The following LTBP4 variants were observed in gnomAD, a reference collection of about 807,000 sequenced individuals.
LTBP4 encodes latent-transforming growth factor beta-binding protein 4.
Under a neutral mutation model 180.2 loss-of-function variants are expected in LTBP4, and 93 were observed. The observed-to-expected ratio is 0.52, with a 90% CI of 0.44 to 0.61. The LOEUF (loss-of-function observed/expected upper bound fraction) is 0.61. Ranked by LOEUF, LTBP4 falls within the 20% of genes least tolerant of loss-of-function variation. The pLI, the probability that LTBP4 is intolerant of heterozygous loss-of-function variation, is 0.00. For missense variants in LTBP4, 2,116 were observed against 2,256.5 expected, an observed-to-expected ratio of 0.94 and a Z score of 1.26; for synonymous variants, 947 against 934.5, an observed-to-expected ratio of 1.01 and a Z score of -0.24.
rs765673798 is a variant in LTBP4, at chr19:40,605,097, C to T, written c.313C>T (p.Pro105Ser). 1.9e-6 allele frequency: 3 copies of T among 1,613,864 alleles called. No homozygotes were observed. The highest frequency in any genetic ancestry group is 2.5e-6 in the Non-Finnish European group (3 of 1,179,852). ...VCVKPDRCLC[P>S]PDFAGKFCQL... ...CGTGAAGCCTGACCGCTGCCTCTGT[C>T]CCCCGGACTTCGCTGGCAAGTTCTG... Residue 105 changes from proline (P) to serine (S), a missense_variant, in exon 2 of 30, where the codon CCC becomes TCC. This residue lies in a region of LTBP4 where 469 missense variants were observed against 532.5 expected (regional missense o/e 0.88). Transcript: ENST00000396819. The surrounding 1 kb of genome is among the most constrained non-coding windows in gnomAD (Gnocchi z 5.5).
In LTBP4 at chr19:40,617,148, G is replaced by A; in HGVS notation, c.2993G>A (p.Cys998Tyr). 1 of 1,613,990 alleles carries A rather than the reference G, an allele frequency of 6.2e-7. No homozygotes were observed. Among genetic ancestry groups the A allele is most frequent in the Non-Finnish European group, 8.5e-7 (1 of 1,179,896 alleles). The change falls in exon 21 of 30, where the codon TGC becomes TAC. Residue 998 changes from cysteine (C) to tyrosine (Y), a missense_variant. Around this residue, in one of 5 missense-constraint regions of LTBP4, gnomAD observed 278 missense variants for 373.0 expected, o/e 0.75. Coordinates refer to ENST00000396819, the MANE Select transcript of LTBP4 (RefSeq NM_001042545.2). ...TCCTTCTGCGGTGCCCACGCCGTGTGCCAGAACCTGCCCGGCTCCTTCCAG... is the reference window on the plus strand; with the variant it reads ...TCCTTCTGCGGTGCCCACGCCGTGTACCAGAACCTGCCCGGCTCCTTCCAG... ...NRSFCGAHAVCQNLPGSFQCL... is the reference protein window; with the variant it reads ...NRSFCGAHAVYQNLPGSFQCL...
In LTBP4 at chr19:40,616,876, C is replaced by G. The variant is rs775358072; in HGVS notation, c.2813-13C>G. On this transcript the variant is annotated splice_polypyrimidine_tract_variant and intron_variant, in intron 19 of 29. Transcript: ENST00000396819. ...GCCTTTGACTCCCCTTTCATCTCCTCCACACTCTGCAGATGTGGATGAGTG... is the reference window on the plus strand; with the variant it reads ...GCCTTTGACTCCCCTTTCATCTCCTGCACACTCTGCAGATGTGGATGAGTG... The G allele has an allele frequency of 6.2e-7, 1 of 1,613,848 alleles. No homozygotes were observed. The highest frequency in any genetic ancestry group is 1.1e-5 in the South Asian group (1 of 91,008).
Position 40,609,571 on chromosome 19 carries a change from G to T in LTBP4, c.1468G>T (p.Gly490Cys). The T allele has an allele frequency of 6.2e-7, 1 of 1,613,438 alleles. No individual in the cohort carries two copies. Among genetic ancestry groups the T allele is most frequent in the African/African-American group, 1.3e-5 (1 of 75,036 alleles). The change falls in exon 10 of 30, where the codon GGC (glycine) becomes TGC (cysteine). Residue 490 changes from glycine to cysteine, a missense_variant. By Grantham distance (159) the Gly-to-Cys change is radical. This residue lies in a region of LTBP4 where 877 missense variants were observed against 873.6 expected (regional missense o/e 1.00). Transcript: ENST00000396819. This position sits in a 1 kb window ranked among gnomAD's most constrained non-coding sequence, Gnocchi z 4.9. ...GTGTCAGCGCAACCCCCAGGTCTGC[G>T]GCCCAGGACGCTGCATTTCCCGGCC... is the stretch of plus-strand genomic sequence containing the variant. ...GMCQRNPQVCGPGRCISRPSG... is the reference protein window; with the variant it reads ...GMCQRNPQVCCPGRCISRPSG...
Position 40,622,951 on chromosome 19 carries a change from T to C in LTBP4, c.3486T>C (p.Ala1162=), listed in dbSNP as rs756810246. Residue 1162 remains alanine (A), a splice_region_variant and synonymous_variant, in exon 24 of 30, where the codon GCT becomes GCC. Transcript: ENST00000396819. This position sits in a 1 kb window ranked among gnomAD's most constrained non-coding sequence, Gnocchi z 5.1. ...RIQQCPGTET[A]EYQSLCPHGR... The stretch of plus-strand genomic sequence containing the variant: ...GCTCAGGCTTGTCTCTGTGTGTAGC[T>C]GAGTACCAGTCATTGTGCCCTCACG... 2.5e-6 allele frequency: 4 copies of C among 1,613,058 alleles called. No homozygotes were observed. The highest frequency in any genetic ancestry group is 1.7e-5 in the Admixed American group (1 of 59,910).
rs57019847 is a variant in LTBP4 at position 40,615,756 on chromosome 19, C to CA, written c.2813-1123dup. ...CCTCGGCGACAGAGTGAGATTGTCT[C>CA]AAAAAAAAAATTTATACAACAAAAA... On this transcript the variant is annotated intron_variant, in intron 19 of 29. Coordinates refer to ENST00000396819, the MANE Select transcript of LTBP4 (RefSeq NM_001042545.2). Among the ~76,000 whole-genome samples, 761 of 149,642 alleles carry CA rather than the reference C, an allele frequency of 5.1e-3. 36 individuals carry two copies. The East Asian group carries it at 0.11, about 22-fold the overall frequency.
chr19:40,613,367 G>T lies in LTBP4; in HGVS notation c.2432-37G>T, dbSNP rs12611045. ...TGGGCGGAGCTTGTCTGGGAGGCCG[G>T]GTCCCGTGACTCCGCCCAATCTCCC... On this transcript the variant is annotated intron_variant, in intron 16 of 29. Coordinates refer to ENST00000396819, the MANE Select transcript of LTBP4 (RefSeq NM_001042545.2). The surrounding 1 kb of genome is among the most constrained non-coding windows in gnomAD (Gnocchi z 5.0). 1.9e-6 allele frequency: 3 copies of T among 1,591,488 alleles called. No homozygotes were observed. The highest frequency in any genetic ancestry group is 2.6e-6 in the Non-Finnish European group (3 of 1,170,728).
chr19:40,608,676 G>C, intron 9 of LTBP4, 73 bp downstream of exon 9: 13 of 1,513,756 alleles, frequency 8.6e-6, no homozygotes, highest in Non-Finnish European at 1.2e-5. Flanking sequence ...ATTTTGGGAG[G>C]CTGAGGAGGG....
intron 19 of LTBP4, among the ~76,000 whole-genome samples, chr19:40,616,292 T>TAAAAAAAAAA (rs72117985): frequency 7.3e-6 from 1 of 136,424 alleles, no homozygotes. Context: ...AGACCCCATT[T>TAAAAAAAAAA]AAAAAAAAGA....
Position 40,619,413 on chromosome 19 carries a change from C to T in LTBP4, c.3137C>T (p.Ser1046Phe), listed in dbSNP as rs374227557. ...GCCCTGTGTGAAAATGTCGAAGGCT[C>T]CTTCCTCTGTGTCTGCCCCAACAGC... ...GAALCENVEG[S>F]FLCVCPNSPE... Residue 1046 changes from serine (S) to phenylalanine (F), a missense_variant, in exon 22 of 30, where the codon TCC becomes TTC. By Grantham distance (155) the Ser-to-Phe change is radical (BLOSUM62 -2). Transcript: ENST00000396819. 6.2e-6 allele frequency: 10 copies of T among 1,613,888 alleles called. No individual in the cohort carries two copies. Among genetic ancestry groups the T allele is most frequent in the East Asian group, 2.2e-5 (1 of 44,872 alleles).
chr19:40,611,186 T>C lies in LTBP4; in HGVS notation c.1845T>C (p.Cys615=). ...VDECTQSPGL[C]GRGACKNLPG... ...AATGCACCCAGAGCCCAGGCCTGTGTGGCCGAGGGGCCTGCAAGAACCTGC... is the reference window on the plus strand; with the variant it reads ...AATGCACCCAGAGCCCAGGCCTGTGCGGCCGAGGGGCCTGCAAGAACCTGC... The change falls in exon 13 of 30, where the codon TGT becomes TGC. Residue 615 remains cysteine (C), a synonymous_variant. Coordinates refer to ENST00000396819, the MANE Select transcript of LTBP4 (RefSeq NM_001042545.2). The surrounding 1 kb of genome is among the most constrained non-coding windows in gnomAD (Gnocchi z 4.4). The C allele has an allele frequency of 1.2e-6, 2 of 1,613,392 alleles. No homozygotes were observed. Among genetic ancestry groups the C allele is most frequent in the Non-Finnish European group, 1.7e-6 (2 of 1,179,754 alleles).
chr19:40,615,880 C>T (rs1466792049), intron 19 of LTBP4, among the ~76,000 whole-genome samples: 3 of 152,064 alleles, frequency 2.0e-5, no homozygotes, highest in East Asian at 1.9e-4. Context: ...TCTAGAGAGG[C>T]GACAGTTGGC....
At chr19:40,624,635 G>A (rs1039119373) in intron 26 of LTBP4, among the ~76,000 whole-genome samples, 3 of 152,210 alleles carry the variant, frequency 2.0e-5, no homozygotes, top group African/African-American at 7.2e-5. Flanking sequence ...CCGACCTCAG[G>A]TGATCCGCCT....
At position 40,611,314 on chromosome 19, in the gene LTBP4, G is replaced by A. The variant is rs777432652; in HGVS notation, c.1973G>A (p.Arg658His). The A allele has an allele frequency of 4.3e-5, 70 of 1,612,152 alleles. No individual in the cohort carries two copies. Among genetic ancestry groups the A allele is most frequent in the African/African-American group, 8.0e-5 (6 of 74,940 alleles). The change falls in exon 13 of 30, where the codon CGC becomes CAC. Residue 658 changes from arginine (R) to histidine (H), a missense_variant. Arg to His is a conservative substitution (Grantham distance 29, BLOSUM62 0). Around this residue, in one of 5 missense-constraint regions of LTBP4, gnomAD observed 877 missense variants for 873.6 expected, o/e 1.00. Transcript: ENST00000396819. This position sits in a 1 kb window ranked among gnomAD's most constrained non-coding sequence, Gnocchi z 4.4. ...AQEPPPCGPG[R>H]CDNTAGSFHC... ...GAGCCGCCGCCCTGTGGGCCCGGCCGCTGTGACAACACGGCAGGCTCCTTT... is the reference window on the plus strand; with the variant it reads ...GAGCCGCCGCCCTGTGGGCCCGGCCACTGTGACAACACGGCAGGCTCCTTT...
chr19:40,625,283 TATATATATA>T (rs2081620304), intron 26 of LTBP4, among the ~76,000 whole-genome samples: 4 of 8,706 alleles, frequency 4.6e-4, no homozygotes, highest in Non-Finnish European at 5.5e-4. Context: ...TATATATATA[TATATATATA>T]TATATATATA....
rs543939793 is a variant in LTBP4 at position 40,629,413 on chromosome 19, G to A, written c.4537G>A (p.Glu1513Lys). The change falls in exon 30 of 30, where the codon GAG (glutamate) becomes AAG (lysine). Residue 1513 changes from glutamate to lysine, a missense_variant. Around this residue, in one of 5 missense-constraint regions of LTBP4, gnomAD observed 488 missense variants for 458.8 expected, o/e 1.06. Coordinates refer to ENST00000396819, the MANE Select transcript of LTBP4 (RefSeq NM_001042545.2). This position sits in a 1 kb window ranked among gnomAD's most constrained non-coding sequence, Gnocchi z 4.5. ...CTCCGCAGACATCAACGAGTGTGATGAGGCCGAGGCTGCCTCCCCGCTGTG... is the reference window on the plus strand; with the variant it reads ...CTCCGCAGACATCAACGAGTGTGATAAGGCCGAGGCTGCCTCCCCGCTGTG... ...MACVDINECD[E>K]AEAASPLCVN... 4 of 1,612,972 alleles carry A rather than the reference G, an allele frequency of 2.5e-6. No homozygotes were observed. In the East Asian group the frequency reaches 8.9e-5, roughly 36 times the overall value.
At chr19:40,599,565 G>A, upstream of LTBP4, 1 of 1,604,336 alleles carries the variant, frequency 6.2e-7, no homozygotes, top group Non-Finnish European at 8.5e-7. Flanking sequence ...ACGTGAGTGG[G>A]CAGTCCCTCC....
rs774569500 is a variant in LTBP4, at chr19:40,607,541, C to A, written c.1156+12C>A. 5 of 1,602,150 alleles carry A rather than the reference C, an allele frequency of 3.1e-6. No homozygotes were observed. The highest frequency in any genetic ancestry group is 4.3e-6 in the Non-Finnish European group (5 of 1,174,828). ...ACCCTTCGGCTCAGGTGAGCCCCTG[C>A]GGCAGTGCCTAGCCCTACGCGCAAC... On this transcript the variant is annotated intron_variant, in intron 7 of 29. Transcript: ENST00000396819.
intron 19 of LTBP4, 149 bp from the exon 20 acceptor site, chr19:40,616,740 C>A: frequency 1.0e-6 from 1 of 993,844 alleles, no homozygotes; most frequent in Non-Finnish European, 1.4e-6. Context: ...AAAGAAAAAA[C>A]AAAGTTTTCA....
chr19:40,596,891 C>A (rs1011629071), upstream of LTBP4, among the ~76,000 whole-genome samples: 1 of 152,102 alleles, frequency 6.6e-6, no homozygotes, highest in Non-Finnish European at 1.5e-5. Context: ...ACCCCGCTCC[C>A]GTATCCCTCC....
Sources: gnomAD v4.1 joint callset for allele counts (sites outside exome capture counted in the v4.1 genomes callset) on GRCh38, gnomAD v4.1.1 for gene constraint, gnomAD v4.1.1 regional missense constraint, Gnocchi (gnomAD v3.1) non-coding constraint, MANE v1.5 for transcripts, NCBI Gene and HGNC (gene_info 2026-07-23, HGNC 2026-07-21) for gene names.